The following ARAP1 variants were observed in gnomAD, a reference collection of about 807,000 sequenced individuals.
The protein encoded by ARAP1 is arf-GAP with Rho-GAP domain, ANK repeat and PH domain-containing protein 1.
A neutral mutation model predicts 172.2 loss-of-function variants in ARAP1; 76 were observed. The ratio of observed to expected loss-of-function variants is 0.44; its 90% CI spans 0.37 to 0.53. The LOEUF (loss-of-function observed/expected upper bound fraction) is 0.53. Among genes scored for constraint, ARAP1 ranks in the 20% least tolerant of loss-of-function variants. The probability of loss-of-function intolerance (pLI) is 0.00; values close to 1 mark genes in which losing one functional copy is unlikely to be tolerated. For synonymous variants in ARAP1, 804 were observed against 803.3 expected (o/e 1.00, Z -0.01); for missense variants, 1,686 against 1,977.5 (o/e 0.85, Z 2.80).
At position 72,691,462 on chromosome 11, in the gene ARAP1, G is replaced by A. The variant is rs1855928902; in HGVS notation, c.3987+1291C>T. ...AGGGAAATAGCATCCCAGAACCAAG[G>A]GGGATTGACTGGATGGGCAGATAGG... is the stretch of plus-strand genomic sequence containing the variant. On this transcript the variant is annotated intron_variant, in intron 30 of 34. Coordinates refer to ENST00000393609, the MANE Select transcript of ARAP1 (RefSeq NM_001040118.3). 1.3e-5 allele frequency among the ~76,000 whole-genome samples: 2 copies of A among 152,210 alleles called. 1 individual carries two copies. Among genetic ancestry groups the A allele is most frequent in the South Asian group, 4.1e-4 (2 of 4,834 alleles).
chr11:72,695,174 G>T lies in ARAP1; in HGVS notation c.3577-77C>A. The T allele has an allele frequency of 6.7e-7, 1 of 1,491,894 alleles. No individual in the cohort carries two copies. Among genetic ancestry groups the T allele is most frequent in the Non-Finnish European group, 9.3e-7 (1 of 1,078,826 alleles). 92.4% of individuals were successfully genotyped at this position (1,491,894 alleles called of 1,614,324 possible). A position where few individuals can be genotyped will look rare whatever the true frequency, so the allele number is the denominator to read the frequency against. ...CCACAACCTTGCTATGTGACTCAGA[G>T]CCTGAGCCCATCCTTCTCAGGCCCT... On this transcript the variant is annotated intron_variant, in intron 26 of 34. Coordinates refer to ENST00000393609, the MANE Select transcript of ARAP1 (RefSeq NM_001040118.3). This position sits in a 1 kb window ranked among gnomAD's most constrained non-coding sequence, Gnocchi z 4.4.
At position 72,697,763 on chromosome 11, in the gene ARAP1, G is replaced by A; in HGVS notation, c.2738-114C>T. 4 of 1,530,866 alleles carry A rather than the reference G, an allele frequency of 2.6e-6. No homozygotes were observed. In the South Asian group the frequency reaches 4.9e-5, roughly 19 times the overall value. The allele number at this position is 1,530,866 out of a possible 1,614,324, so 94.8% of individuals were successfully genotyped here. ...AGACCCGCCCACCAATGTATGGGGT[G>A]GCTGAGATGCACCCCAAGGACATGA... On this transcript the variant is annotated intron_variant, in intron 19 of 34. Coordinates refer to ENST00000393609, the MANE Select transcript of ARAP1 (RefSeq NM_001040118.3).
In ARAP1 at chr11:72,740,231, G is replaced by A. The variant is rs1007983625; in HGVS notation, c.-127-7634C>T. Among the ~76,000 whole-genome samples the A allele has an allele frequency of 4.2e-4, 64 of 152,146 alleles. 2 individuals carry two copies. Among genetic ancestry groups the A allele is most frequent in the Admixed American group, 2.7e-3 (41 of 15,276 alleles). On this transcript the variant is annotated intron_variant, in intron 1 of 34. Transcript: ENST00000393609. ...CACACCCACACACAGTGGACCTGGT[G>A]GGAGGCAGGACCTTTTAACAACCTT...
In ARAP1 at chr11:72,707,040, CAGG is replaced by C. The variant is rs1250567075; in HGVS notation, c.1723+132_1723+134del. ...GGACTCAAAGCTAATCACAGGTGTGCAGGAGAAGCCTCATCAACAGCAGCTCTC... is the reference window on the plus strand; with the variant it reads ...GGACTCAAAGCTAATCACAGGTGTGCAGAAGCCTCATCAACAGCAGCTCTC... On this transcript the variant is annotated intron_variant, in intron 12 of 34. Transcript: ENST00000393609. The C allele has an allele frequency of 1.5e-5, 14 of 927,220 alleles. No individual in the cohort carries two copies. In the Admixed American group the frequency reaches 3.1e-4, roughly 21 times the overall value. The allele number at this position is 927,220 out of a possible 1,614,324, so 57.4% of individuals were successfully genotyped here.
rs1186535666 is a variant in ARAP1, at chr11:72,725,302, CTCTCTCTCTCTCTCTCTTTT to C, written c.509+1298_509+1317del. Among the ~76,000 whole-genome samples, 3 of 150,286 alleles carry C rather than the reference CTCTCTCTCTCTCTCTCTTTT, an allele frequency of 2.0e-5. No individual in the cohort carries two copies. Among genetic ancestry groups the C allele is most frequent in the South Asian group, 2.1e-4 (1 of 4,766 alleles). ...TCCTCTTCTCTCTTCTAACCTCTCTCTCTCTCTCTCTCTCTCTTTTTCTCTCTCTCTCTCCCCCCCACAAG... is the reference window on the plus strand; with the variant it reads ...TCCTCTTCTCTCTTCTAACCTCTCTCTCTCTCTCTCTCTCCCCCCCACAAG... On this transcript the variant is annotated intron_variant, in intron 3 of 34. Transcript: ENST00000393609. This position sits in a 1 kb window ranked among gnomAD's most constrained non-coding sequence, Gnocchi z 4.3.
intron 14 of ARAP1, chr11:72,703,301 G>A (rs940786898): frequency 1.3e-5 from 6 of 471,762 alleles, no homozygotes; most frequent in South Asian, 7.8e-5. Context: ...AGAGGCCAGG[G>A]GATCCCAGCT....
rs532175291 is a variant in ARAP1, at chr11:72,714,223, G to C, written c.608C>G (p.Pro203Arg). The change falls in exon 4 of 35, where the codon CCC (proline) becomes CGC (arginine). Residue 203 changes from proline to arginine, a missense_variant. Transcript: ENST00000393609. ...EPLSTLPQGP[P>R]QPPSPPPCPP... The stretch of plus-strand genomic sequence containing the variant: ...GCAGGGAGGTGGAGAGGGAGGCTGG[G>C]GAGGCCCCTGGGGGAGGGTGGACAG... The C allele has an allele frequency of 5.9e-6, 9 of 1,522,432 alleles. No homozygotes were observed. In the African/African-American group the frequency reaches 1.1e-4, roughly 19 times the overall value. The allele number at this position is 1,522,432 out of a possible 1,614,324, so 94.3% of individuals were successfully genotyped here. A position where few individuals can be genotyped will look rare whatever the true frequency, so the allele number is the denominator to read the frequency against.
chr11:72,690,714 A>G (rs1201360210), intron 30 of ARAP1, among the ~76,000 whole-genome samples: 1 of 152,180 alleles, frequency 6.6e-6, no homozygotes, highest in Non-Finnish European at 1.5e-5. Context: ...TCATGTTTCC[A>G]GCATCTCCAA....
intron 3 of ARAP1, among the ~76,000 whole-genome samples, chr11:72,717,776 C>A (rs1303797323): frequency 6.6e-6 from 1 of 152,228 alleles, no homozygotes; most frequent in African/African-American, 2.4e-5. Flanking sequence ...TAAGGCTTGT[C>A]ATGATTCCAC....
intron 1 of ARAP1, among the ~76,000 whole-genome samples, chr11:72,747,291 C>T (rs1858396989): frequency 6.6e-6 from 1 of 152,214 alleles, no homozygotes; most frequent in African/African-American, 2.4e-5. Flanking sequence ...AGGGAGGACT[C>T]TCTGATGCCT....
chr11:72,711,524 C>A, intron 7 of ARAP1, 25 bp from the exon 8 acceptor site: 1 of 1,596,606 alleles, frequency 6.3e-7, no homozygotes, highest in East Asian at 2.2e-5. Context: ...GGACAACAAG[C>A]AAATGACCGG....
At chr11:72,742,237 G>A (rs1176505249) in intron 1 of ARAP1, among the ~76,000 whole-genome samples, 2 of 152,154 alleles carry the variant, frequency 1.3e-5, no homozygotes, top group African/African-American at 4.8e-5. Flanking sequence ...GGCCCACAGG[G>A]AGCCCTGGAA....
chr11:72,702,742 A>G (rs1856546636), intron 15 of ARAP1, among the ~76,000 whole-genome samples, 163 bp downstream of exon 15: 1 of 152,186 alleles, frequency 6.6e-6, no homozygotes, highest in African/African-American at 2.4e-5. Flanking sequence ...ATGCATACGT[A>G]GTACAAATAC....
At chr11:72,720,991 T>A (rs1857484361) in intron 3 of ARAP1, among the ~76,000 whole-genome samples, 1 of 152,058 alleles carries the variant, frequency 6.6e-6, no homozygotes, top group Non-Finnish European at 1.5e-5. Context: ...CCTGGCCCTG[T>A]GCTGGCTCCT....
At chr11:72,728,808 G>A (rs1381115122) in intron 2 of ARAP1, among the ~76,000 whole-genome samples, 1 of 152,202 alleles carries the variant, frequency 6.6e-6, no homozygotes, top group African/African-American at 2.4e-5. Flanking sequence ...AAATGGCAGA[G>A]CACAGTAAGT....
chr11:72,695,754 C>T lies in ARAP1; in HGVS notation c.3384G>A (p.Val1128=), dbSNP rs574284921. 1.9e-6 allele frequency: 3 copies of T among 1,614,220 alleles called. No individual in the cohort carries two copies. Among genetic ancestry groups the T allele is most frequent in the African/African-American group, 1.3e-5 (1 of 75,064 alleles). The change falls in exon 24 of 35, where the codon GTG becomes GTA. Residue 1128 remains valine, a synonymous_variant. Coordinates refer to ENST00000393609, the MANE Select transcript of ARAP1 (RefSeq NM_001040118.3). The surrounding 1 kb of genome is among the most constrained non-coding windows in gnomAD (Gnocchi z 4.4). ...DGQDYKAGRV[V]EDLINHYVVV... ...CCACATAGTGGTTAATGAGGTCTTC[C>T]ACCACACGGCCAGCCTTGTAGTCCT...
chr11:72,696,490 G>C, intron 23 of ARAP1, 59 bp downstream of exon 23: 4 of 1,374,006 alleles, frequency 2.9e-6, no homozygotes, highest in Middle Eastern at 3.8e-4. Flanking sequence ...CAGCCAGGGT[G>C]GGGGTAGAAG....
intron 32 of ARAP1, 32 bp downstream of exon 32, chr11:72,687,656 G>T (rs1855748409): frequency 6.2e-7 from 1 of 1,613,962 alleles, no homozygotes; most frequent in African/African-American, 1.3e-5. Context: ...TCTTTCCTCA[G>T]CCTGGGATCT....
intron 2 of ARAP1, among the ~76,000 whole-genome samples, chr11:72,729,923 TA>T (rs11287535): frequency 0.66 from 88,647 of 134,630 alleles, 29,297 homozygotes; most frequent in African/African-American, 0.84. Context: ...AGACTGTCTC[TA>T]AAAAAAAAAA....
Sources: gnomAD v4.1 joint callset for allele counts (sites outside exome capture counted in the v4.1 genomes callset) on GRCh38, gnomAD v4.1.1 for gene constraint, Gnocchi (gnomAD v3.1) non-coding constraint, MANE v1.5 for transcripts, NCBI Gene and HGNC (gene_info 2026-07-23, HGNC 2026-07-21) for gene names.